The following NEBL variants were observed in gnomAD, a reference collection of about 807,000 sequenced individuals.
The protein encoded by NEBL is nebulette.
In NEBL, 122 loss-of-function variants were observed where a neutral mutation model predicts 140.2. The ratio of observed to expected loss-of-function variants is 0.87; its 90% CI spans 0.75 to 1.01. The LOEUF (loss-of-function observed/expected upper bound fraction) is 1.01, where lower values mean the gene tolerates loss of function less well. Ranked by LOEUF, NEBL falls within the 50% of genes least tolerant of loss-of-function variation. NEBL has a pLI of 0.00. For missense variants in NEBL, 1,365 were observed against 1,231.3 expected (o/e 1.11, Z -1.62); for synonymous variants, 436 against 398.9 (o/e 1.09, Z -1.11).
Position 20,885,127 on chromosome 10 carries a change from C to T in NEBL, c.369+2970G>A, listed in dbSNP as rs552983010. Among the ~76,000 whole-genome samples, 8 of 152,326 alleles carry T rather than the reference C, an allele frequency of 5.3e-5. No individual in the cohort carries two copies. The South Asian group carries it at 1.4e-3, about 28-fold the overall frequency. On this transcript the variant is annotated intron_variant, in intron 4 of 27. Coordinates refer to ENST00000377122, the MANE Select transcript of NEBL (RefSeq NM_006393.3). Reference sequence around the variant, plus strand: ...GACTTTTCATTAGAACCCAGAATGTCATTAAATTTCTGAATTCATCCAATA... The same window carrying T: ...GACTTTTCATTAGAACCCAGAATGTTATTAAATTTCTGAATTCATCCAATA...
chr10:21,281,171 G>A (rs532231794), intron 1 of NEBL, among the ~76,000 whole-genome samples: 40 of 152,204 alleles, frequency 2.6e-4, no homozygotes, highest in Non-Finnish European at 5.3e-4. Flanking sequence ...CAGGGATCTA[G>A]TGAATCCAGC....
Position 20,831,211 on chromosome 10 carries a change from A to G in NEBL, c.1656T>C (p.Ser552=). ...IPDILRAKRT[S]EIYSQRKYKD... ...CATGACCAACCTGGCTATAGATTTC[A>G]GATGTCCTCTTGGCTCGAAGGATAT... Residue 552 remains serine, a synonymous_variant, in exon 16 of 28, where the codon TCT becomes TCC. Transcript: ENST00000377122. 1 of 1,612,156 alleles carries G rather than the reference A, an allele frequency of 6.2e-7. No homozygotes were observed. The highest frequency in any genetic ancestry group is 1.1e-5 in the South Asian group (1 of 91,050).
chr10:20,890,828 T>C lies in NEBL; in HGVS notation c.154-879A>G, dbSNP rs559259364. 2.0e-5 allele frequency among the ~76,000 whole-genome samples: 3 copies of C among 152,344 alleles called. No homozygotes were observed. The East Asian group carries it at 5.8e-4, about 29-fold the overall frequency. Reference sequence around the variant, plus strand: ...AAGTATAATCACACTGTCACACTAATTGCTGCACAATCTGGAAACTGGGAA... The same window carrying C: ...AAGTATAATCACACTGTCACACTAACTGCTGCACAATCTGGAAACTGGGAA... On this transcript the variant is annotated intron_variant, in intron 2 of 27. Coordinates refer to ENST00000377122, the MANE Select transcript of NEBL (RefSeq NM_006393.3).
intron 3 of NEBL, among the ~76,000 whole-genome samples, chr10:21,009,672 C>T (rs1838261526): frequency 1.3e-5 from 2 of 152,104 alleles, no homozygotes; most frequent in Non-Finnish European, 2.9e-5. Context: ...ACAATTGTCC[C>T]AAACGGAAGC....
intron 2 of NEBL, among the ~76,000 whole-genome samples, chr10:21,026,863 G>C (rs1833520612): frequency 6.6e-6 from 1 of 152,098 alleles, no homozygotes. Flanking sequence ...CTGTGCTGAA[G>C]CTGTTTGTAC....
chr10:21,149,709 G>A (rs775352367), intron 2 of NEBL, among the ~76,000 whole-genome samples: 8 of 152,198 alleles, frequency 5.3e-5, no homozygotes, highest in South Asian at 2.1e-4. Context: ...TTAATAGCCC[G>A]TTGGTCACAA....
At chr10:21,190,312 C>A (rs1457176175) in intron 3 of NEBL, among the ~76,000 whole-genome samples, 1 of 145,260 alleles carries the variant, frequency 6.9e-6, no homozygotes, top group Non-Finnish European at 1.5e-5. Flanking sequence ...AGACCCTGTG[C>A]CTACAAAAAA....
At chr10:21,185,743 TC>T (rs747339976) in intron 3 of NEBL, among the ~76,000 whole-genome samples, 23 of 151,892 alleles carry the variant, frequency 1.5e-4, no homozygotes, top group South Asian at 2.1e-4. Context: ...TTGATCCACC[TC>T]GCCTCAGCCT....
chr10:20,961,545 T>C (rs1468148633), intron 4 of NEBL: 4 of 771,968 alleles, frequency 5.2e-6, no homozygotes, highest in South Asian at 1.4e-5. Context: ...ATTGGCATAG[T>C]CTATGCGTGC....
chr10:21,123,553 T>C (rs1838677383), intron 2 of NEBL, among the ~76,000 whole-genome samples: 1 of 152,038 alleles, frequency 6.6e-6, no homozygotes, highest in Non-Finnish European at 1.5e-5. Flanking sequence ...ACTTAGTCCT[T>C]CTTTTTGAAT....
At chr10:20,986,199 C>T (rs1164909225) in intron 3 of NEBL, among the ~76,000 whole-genome samples, 1 of 152,098 alleles carries the variant, frequency 6.6e-6, no homozygotes, top group African/African-American at 2.4e-5. Flanking sequence ...TACAATATAA[C>T]CAGGAAATAT....
intron 3 of NEBL, among the ~76,000 whole-genome samples, chr10:21,196,040 G>A (rs539082571): frequency 1.1e-4 from 17 of 152,184 alleles, no homozygotes; most frequent in Admixed American, 1.0e-3. Context: ...GTCTCACTCT[G>A]TTGCCCAGGC....
In NEBL at chr10:20,871,957, A is replaced by G. The variant is rs148072440; in HGVS notation, c.481-2116T>C. ...AACAAAAACTGGCTCTCAGGTGAAA[A>G]CAAACCCAAATTATCACCCACCTAC... On this transcript the variant is annotated intron_variant, in intron 5 of 27. Coordinates refer to ENST00000377122, the MANE Select transcript of NEBL (RefSeq NM_006393.3). Among the ~76,000 whole-genome samples, 87 of 152,308 alleles carry G rather than the reference A, an allele frequency of 5.7e-4. 1 individual carries two copies. The highest frequency in any genetic ancestry group is 2.0e-3 in the African/African-American group (83 of 41,560).
chr10:21,210,285 T>A (rs1420679889), intron 3 of NEBL, among the ~76,000 whole-genome samples: 2 of 152,044 alleles, frequency 1.3e-5, no homozygotes, highest in Non-Finnish European at 2.9e-5. Flanking sequence ...TCCCAGCTAC[T>A]AGTGAGGCTG....
chr10:20,873,878 ATTCCTCC>A (rs1845223720), intron 5 of NEBL, among the ~76,000 whole-genome samples: 1 of 152,198 alleles, frequency 6.6e-6, no homozygotes. Context: ...AAGGTGGTAT[ATTCCTCC>A]ATTTCTTCGA....
At chr10:20,793,086 C>G (rs951061020) in intron 26 of NEBL, among the ~76,000 whole-genome samples, 2 of 152,150 alleles carry the variant, frequency 1.3e-5, no homozygotes, top group African/African-American at 2.4e-5. Context: ...CTGCAGGATA[C>G]AGAAGCAAGC....
At chr10:20,857,847 T>C (rs917094931) in intron 9 of NEBL, among the ~76,000 whole-genome samples, 15 of 152,246 alleles carry the variant, frequency 9.9e-5, no homozygotes, top group Middle Eastern at 3.4e-3. Flanking sequence ...TAAGACAATT[T>C]TTCATGCTAC....
intron 1 of NEBL, among the ~76,000 whole-genome samples, chr10:21,279,506 C>T (rs1313967271): frequency 6.6e-6 from 1 of 151,812 alleles, no homozygotes; most frequent in African/African-American, 2.4e-5. Context: ...GTGGTTCATG[C>T]CTGTAATCTC....
chr10:20,945,712 C>T (rs1356246038), intron 4 of NEBL, among the ~76,000 whole-genome samples: 1 of 152,150 alleles, frequency 6.6e-6, no homozygotes, highest in Non-Finnish European at 1.5e-5. Context: ...AGCTTCCGTA[C>T]CGACAAAAAG....
Sources: allele counts gnomAD v4.1 joint callset (sites outside exome capture counted in the v4.1 genomes callset), GRCh38; gene constraint gnomAD v4.1.1; transcripts MANE v1.5; gene names NCBI Gene and HGNC (gene_info 2026-07-23, HGNC 2026-07-21).